The following LRTM1 variants were observed in gnomAD, a reference collection of about 807,000 sequenced individuals.
LRTM1 encodes leucine-rich repeat and transmembrane domain-containing protein 1.
In LRTM1, 38 loss-of-function variants were observed where a neutral mutation model predicts 32.4. That is an observed-to-expected ratio of 1.17 (90% CI 0.91 to 1.54). The LOEUF (loss-of-function observed/expected upper bound fraction) is 1.54, where lower values mean the gene tolerates loss of function less well. Among genes scored for constraint, LRTM1 ranks in the 40% most tolerant of loss-of-function variants. LRTM1 has a pLI of 0.00. For missense variants in LRTM1, 466 were observed against 415.4 expected (o/e 1.12, Z -1.06); for synonymous variants, 186 against 169.9 (o/e 1.09, Z -0.74).
chr3:54,933,242 C>A (rs1701248261), intron 1 of LRTM1, among the ~76,000 whole-genome samples: 1 of 152,162 alleles, frequency 6.6e-6, no homozygotes, highest in African/African-American at 2.4e-5. Context: ...TACAATGGGG[C>A]ACATAGTGCT....
chr3:54,924,674 T>C lies in LRTM1; in HGVS notation c.549A>G (p.Lys183=). The change falls in exon 2 of 3, where the codon AAA becomes AAG. Residue 183 remains lysine, a synonymous_variant. Transcript: ENST00000273286. ...RLLLLKDNLW[K]CNCHLLGLKL... Reference sequence around the variant, plus strand: ...TAAGACCGAGCAAGTGGCAATTGCATTTCCAGAGGTTGTCCTTGAGAAGTA... The same window carrying C: ...TAAGACCGAGCAAGTGGCAATTGCACTTCCAGAGGTTGTCCTTGAGAAGTA... 6.2e-7 allele frequency: 1 copy of C among 1,614,142 alleles called. No individual in the cohort carries two copies. The highest frequency in any genetic ancestry group is 8.5e-7 in the Non-Finnish European group (1 of 1,180,018).
At chr3:54,953,380 G>T (rs1274773758) in intron 1 of LRTM1, among the ~76,000 whole-genome samples, 3 of 152,128 alleles carry the variant, frequency 2.0e-5, no homozygotes, top group Admixed American at 2.0e-4. Context: ...AAGTGGTGGG[G>T]CCCGGTAACA....
At chr3:54,957,795 C>T (rs1044842226) in intron 1 of LRTM1, among the ~76,000 whole-genome samples, 3 of 152,160 alleles carry the variant, frequency 2.0e-5, no homozygotes, top group Non-Finnish European at 2.9e-5. Flanking sequence ...GATGAGCACG[C>T]ATGACCCCTA....
chr3:54,937,572 T>C (rs2106973547), intron 1 of LRTM1, among the ~76,000 whole-genome samples: 1 of 152,236 alleles, frequency 6.6e-6, no homozygotes, highest in Non-Finnish European at 1.5e-5. Flanking sequence ...TATGAAAAAG[T>C]ACAGCCATTA....
chr3:54,957,708 T>A (rs888889119), intron 1 of LRTM1, among the ~76,000 whole-genome samples: 1 of 151,986 alleles, frequency 6.6e-6, no homozygotes, highest in Non-Finnish European at 1.5e-5. Flanking sequence ...TCAGGAGGGT[T>A]AGAAACAAGA....
chr3:54,928,216 GATGAGCCGCGTAAA>G, upstream of LRTM1: 1 of 423,124 alleles, frequency 2.4e-6, no homozygotes, highest in East Asian at 3.8e-5. Context: ...CCATTCAGAC[GATGAGCCGCGTAAA>G]GAATGTTTGT....
intron 1 of LRTM1, among the ~76,000 whole-genome samples, chr3:54,934,305 G>C (rs752193423): frequency 2.0e-4 from 30 of 152,204 alleles, no homozygotes; most frequent in Non-Finnish European, 4.4e-4. Flanking sequence ...CTCTGACTCA[G>C]GAGGTGAGAA....
At position 54,918,594 on chromosome 3, in the gene LRTM1, G is replaced by A. The variant is rs1700734691; in HGVS notation, c.903C>T (p.Leu301=). Residue 301 remains leucine (L), a synonymous_variant, in exon 3 of 3, where the codon CTC becomes CTT. Coordinates refer to ENST00000273286, the MANE Select transcript of LRTM1 (RefSeq NM_020678.4). The part of the protein sequence containing the change: ...ITGVVCGIVC[L]MMLAAAIYGC... ...CATAGATGGCAGCTGCCAACATCAT[G>A]AGACACACAATCCCACACACAACGC... The A allele has an allele frequency of 6.2e-7, 1 of 1,613,992 alleles. No homozygotes were observed. Among genetic ancestry groups the A allele is most frequent in the South Asian group, 1.1e-5 (1 of 91,090 alleles).
intron 1 of LRTM1, among the ~76,000 whole-genome samples, chr3:54,964,241 C>T (rs1702093600): frequency 6.6e-6 from 1 of 152,058 alleles, no homozygotes; most frequent in African/African-American, 2.4e-5. Flanking sequence ...TCACCAGATG[C>T]AGTTGTGTAA....
Position 54,918,408 on chromosome 3 carries a change from A to G in LRTM1, c.*51T>C. On this transcript the variant is annotated 3_prime_UTR_variant, in exon 3 of 3. Transcript: ENST00000273286. ...AACAGGAAACACATCAGCCCTACTC[A>G]GACACTATCTTCTGGCCTGCAATGA... 3.9e-6 allele frequency: 6 copies of G among 1,535,870 alleles called. No individual in the cohort carries two copies. The highest frequency in any genetic ancestry group is 5.3e-6 in the Non-Finnish European group (6 of 1,128,072).
At chr3:54,931,347 C>T (rs961273389), upstream of LRTM1, among the ~76,000 whole-genome samples, 2 of 152,208 alleles carry the variant, frequency 1.3e-5, no homozygotes, top group Non-Finnish European at 2.9e-5. Flanking sequence ...CTGCCCGCCC[C>T]GGACACTTGG....
At chr3:54,957,022 G>A (rs1211381248) in intron 1 of LRTM1, among the ~76,000 whole-genome samples, 1 of 152,138 alleles carries the variant, frequency 6.6e-6, no homozygotes, top group Admixed American at 6.5e-5. Flanking sequence ...GATGTTATTA[G>A]GATTAGCAAT....
chr3:54,966,259 C>T (rs1702147674), intron 1 of LRTM1, among the ~76,000 whole-genome samples: 2 of 152,128 alleles, frequency 1.3e-5, no homozygotes, highest in Non-Finnish European at 2.9e-5. Context: ...GTGACTCTTT[C>T]AGGGAGTCAG....
At chr3:54,956,606 C>T (rs760661555) in intron 1 of LRTM1, among the ~76,000 whole-genome samples, 6 of 152,062 alleles carry the variant, frequency 3.9e-5, no homozygotes, top group Non-Finnish European at 8.8e-5. Context: ...TCATAAATTC[C>T]TGCTCATCCT....
intron 1 of LRTM1, among the ~76,000 whole-genome samples, chr3:54,959,728 T>C (rs1425254648): frequency 2.0e-5 from 3 of 152,184 alleles, no homozygotes; most frequent in African/African-American, 7.2e-5. Context: ...TCTGAAAGGT[T>C]GAAAGGGTGG....
intron 2 of LRTM1, 90 bp downstream of exon 2, chr3:54,924,529 C>T: frequency 9.1e-7 from 1 of 1,095,582 alleles, no homozygotes; most frequent in Non-Finnish European, 1.3e-6. Flanking sequence ...CTTACACACT[C>T]CTCCACATTC....
At chr3:54,947,454 G>T (rs1364501420) in intron 1 of LRTM1, among the ~76,000 whole-genome samples, 6 of 152,198 alleles carry the variant, frequency 3.9e-5, no homozygotes, top group African/African-American at 1.4e-4. Flanking sequence ...ATCTGCCAGT[G>T]CAGGATAGGA....
chr3:54,927,819 A>C (rs1260008315), intron 1 of LRTM1, 86 bp downstream of exon 1: 1 of 1,423,902 alleles, frequency 7.0e-7, no homozygotes, highest in African/African-American at 1.4e-5. Context: ...CGACTTGAAA[A>C]TAGATTTCCC....
At chr3:54,960,823 C>T (rs1396113250) in intron 1 of LRTM1, among the ~76,000 whole-genome samples, 1 of 152,026 alleles carries the variant, frequency 6.6e-6, no homozygotes, top group Non-Finnish European at 1.5e-5. Context: ...AAATATTTAA[C>T]AGATGAGTTA....
Sources: gnomAD v4.1 joint callset for allele counts (sites outside exome capture counted in the v4.1 genomes callset) on GRCh38, gnomAD v4.1.1 for gene constraint, MANE v1.5 for transcripts, NCBI Gene and HGNC (gene_info 2026-07-23, HGNC 2026-07-21) for gene names.